Variants in IL16 observed in about 807,000 individuals in gnomAD.
IL16 encodes the protein interleukin 16, also known as pro-interleukin-16.
IL16 carries 67 observed loss-of-function variants against 110.1 expected under a neutral mutation model. That is an observed-to-expected ratio of 0.61 (90% confidence interval 0.50 to 0.75). The LOEUF (loss-of-function observed/expected upper bound fraction) is 0.75. IL16 is among the 30% of genes least tolerant of loss of function. The pLI, the probability that IL16 is intolerant of heterozygous loss-of-function variation, is 0.00. For synonymous variants in IL16, 689 were observed against 662.9 expected, an observed-to-expected ratio of 1.04 and a Z score of -0.61; for missense variants, 1,545 against 1,655.0, an observed-to-expected ratio of 0.93 and a Z score of 1.15.
intron 2 of IL16, among the ~76,000 whole-genome samples, chr15:81,248,723 T>C (rs112668224): frequency 0.017 from 1,505 of 88,826 alleles, 7 homozygotes; most frequent in Non-Finnish European, 0.028. Context: ...TTCTTTCTTT[T>C]TTTTTTTTTT....
chr15:81,273,258 A>G (rs1337152206), intron 6 of IL16, 54 bp downstream of exon 6: 8 of 1,311,954 alleles, frequency 6.1e-6, no homozygotes, highest in Non-Finnish European at 8.5e-6. Context: ...AGCAGAATCC[A>G]GAATTGCTGG....
At chr15:81,269,775 C>G (rs1174186865) in intron 5 of IL16, 127 bp downstream of exon 5, 1 of 658,124 alleles carries the variant, frequency 1.5e-6, no homozygotes, top group Non-Finnish European at 2.7e-6. Flanking sequence ...GAGACAAACA[C>G]AAGAGTGGCT....
intron 10 of IL16, chr15:81,290,020 C>A: frequency 2.6e-6 from 1 of 377,730 alleles, no homozygotes; most frequent in Non-Finnish European, 5.2e-6. Flanking sequence ...ATACTCTTAA[C>A]TATTACTCCA....
At chr15:81,235,697 G>A (rs1004925156) in intron 2 of IL16, among the ~76,000 whole-genome samples, 2 of 152,106 alleles carry the variant, frequency 1.3e-5, no homozygotes, top group Non-Finnish European at 2.9e-5. Flanking sequence ...CATGTTTTAC[G>A]ACACGGTGGA....
In IL16 at chr15:81,295,609, T is replaced by C. The variant is rs17875497; in HGVS notation, c.1903-1319T>C. On this transcript the variant is annotated intron_variant, in intron 12 of 18. Coordinates refer to ENST00000683961, the MANE Select transcript of IL16 (RefSeq NM_172217.5). Reference sequence around the variant, plus strand: ...CCAATATTTGGAGCTTCTAATGCCATGACTCAGCCTTACTTTTTTTAAGGG... The same window carrying C: ...CCAATATTTGGAGCTTCTAATGCCACGACTCAGCCTTACTTTTTTTAAGGG... 2,238 of 771,228 alleles carry C rather than the reference T, an allele frequency of 2.9e-3. 31 individuals carry two copies. In the African/African-American group the frequency reaches 0.032, roughly 11 times the overall value. 47.8% of individuals were successfully genotyped at this position (771,228 alleles called of 1,614,324 possible). A position where few individuals can be genotyped will look rare whatever the true frequency, so the allele number is the denominator to read the frequency against.
intron 1 of IL16, among the ~76,000 whole-genome samples, chr15:81,186,947 C>A (rs1031645982): frequency 3.3e-5 from 5 of 152,164 alleles, no homozygotes. Context: ...GAGTGAGCCA[C>A]CATGCCTGGC....
At chr15:81,207,521 A>ACC (rs1345872012) in intron 1 of IL16, among the ~76,000 whole-genome samples, 1 of 130,596 alleles carries the variant, frequency 7.7e-6, no homozygotes, top group African/African-American at 2.9e-5. Context: ...CCCACCTCCC[A>ACC]CCCACCCCCT....
At chr15:81,293,060 T>TG in intron 12 of IL16, 23 bp downstream of exon 12, 1 of 1,578,720 alleles carries the variant, frequency 6.3e-7, no homozygotes, top group Non-Finnish European at 8.6e-7. Context: ...GTCCACAGGT[T>TG]GAGTGTTTCC....
chr15:81,231,145 C>A (rs1896955875), intron 2 of IL16, among the ~76,000 whole-genome samples: 1 of 151,960 alleles, frequency 6.6e-6, no homozygotes, highest in Non-Finnish European at 1.5e-5. Context: ...GTTTTGAGAC[C>A]AGCCTGGGCA....
intron 4 of IL16, among the ~76,000 whole-genome samples, chr15:81,267,897 A>G (rs545917609): frequency 2.0e-5 from 3 of 152,314 alleles, no homozygotes; most frequent in Non-Finnish European, 4.4e-5. Flanking sequence ...ACAGATTTCA[A>G]TGCTCATCTC....
intron 2 of IL16, among the ~76,000 whole-genome samples, chr15:81,243,019 G>C (rs1897388131): frequency 6.7e-6 from 1 of 150,252 alleles, no homozygotes; most frequent in Non-Finnish European, 1.5e-5. Context: ...AACATCAATT[G>C]ATTCTTGAAT....
chr15:81,217,305 T>C (rs1896468132), intron 1 of IL16, among the ~76,000 whole-genome samples: 1 of 152,108 alleles, frequency 6.6e-6, no homozygotes, highest in South Asian at 2.1e-4. Context: ...CTAACAAACC[T>C]GAAAATCTGG....
In IL16 at chr15:81,313,263, T is replaced by C; in HGVS notation, c.*4465T>C. ...CAAGAAGTAACGATAGCATTACTCA[T>C]GGAATTGCTTCACTGCTTTCTGAAG... On this transcript the variant is annotated 3_prime_UTR_variant, in exon 19 of 19. Transcript: ENST00000683961. 6.4e-7 allele frequency: 1 copy of C among 1,568,280 alleles called. No individual in the cohort carries two copies. The highest frequency in any genetic ancestry group is 8.6e-7 in the Non-Finnish European group (1 of 1,156,916).
Position 81,187,747 on chromosome 15 carries a change from C to T in IL16, c.40+4851C>T, listed in dbSNP as rs560954885. On this transcript the variant is annotated intron_variant, in intron 1 of 18. Coordinates refer to the IL16 transcript ENST00000302987. ...GGCACCTGCTTTGTCCTCCTTTGACCGTGGGGGCAGAACCTTTGCCTGCAA... is the reference window on the plus strand; with the variant it reads ...GGCACCTGCTTTGTCCTCCTTTGACTGTGGGGGCAGAACCTTTGCCTGCAA... 3.9e-5 allele frequency among the ~76,000 whole-genome samples: 6 copies of T among 152,292 alleles called. No homozygotes were observed. In the South Asian group the frequency reaches 1.0e-3, roughly 26 times the overall value.
chr15:81,218,126 C>A (rs1455883740), intron 1 of IL16, among the ~76,000 whole-genome samples: 1 of 152,018 alleles, frequency 6.6e-6, no homozygotes, highest in African/African-American at 2.4e-5. Context: ...TTCAAAATAA[C>A]CTACTGAATA....
chr15:81,273,123 A>G lies in IL16; in HGVS notation c.709A>G (p.Ser237Gly). The change falls in exon 6 of 19, where the codon AGC (serine) becomes GGC (glycine). Residue 237 changes from serine (S) to glycine (G), a missense_variant. Physicochemically the swap from Ser to Gly is moderately conservative, Grantham distance 56. This residue lies in a region of IL16 where 1,185 missense variants were observed against 1,238.8 expected (regional missense o/e 0.96). Transcript: ENST00000683961. ...CTTCAGCATCGTTGGGGGAAAAGAC[A>G]GCATTTATGGCCCCATTGGGATTTA... ...LGFSIVGGKD[S>G]IYGPIGIYVK... 1 of 1,613,644 alleles carries G rather than the reference A, an allele frequency of 6.2e-7. No individual in the cohort carries two copies. The highest frequency in any genetic ancestry group is 8.5e-7 in the Non-Finnish European group (1 of 1,179,692).
Position 81,265,524 on chromosome 15 carries a change from G to C in IL16, c.422-135G>C. 4 of 900,104 alleles carry C rather than the reference G, an allele frequency of 4.4e-6. 1 individual carries two copies. The highest frequency in any genetic ancestry group is 6.7e-6 in the Non-Finnish European group (4 of 598,210). 55.8% of individuals were successfully genotyped at this position (900,104 alleles called of 1,614,324 possible). A position where few individuals can be genotyped will look rare whatever the true frequency, so the allele number is the denominator to read the frequency against. On this transcript the variant is annotated intron_variant, in intron 3 of 18. Coordinates refer to ENST00000683961, the MANE Select transcript of IL16 (RefSeq NM_172217.5). ...TTCCGCGGCCACCTCTCCCCACCAC[G>C]CACCTGGCACAGGGTGTTAAGTGGT...
chr15:81,191,033 T>C (rs2141921466), intron 1 of IL16, among the ~76,000 whole-genome samples: 1 of 152,310 alleles, frequency 6.6e-6, no homozygotes, highest in South Asian at 2.1e-4. Context: ...GAATCCAACA[T>C]GGGGGATTAG....
chr15:81,205,852 G>A (rs948483380), intron 1 of IL16, among the ~76,000 whole-genome samples: 1 of 152,178 alleles, frequency 6.6e-6, no homozygotes. Context: ...TTAAAAGAAA[G>A]TGAGGTGTCA....
Sources: gnomAD v4.1 joint callset for allele counts (sites outside exome capture counted in the v4.1 genomes callset) on GRCh38, gnomAD v4.1.1 for gene constraint, gnomAD v4.1.1 regional missense constraint, MANE v1.5 for transcripts, NCBI Gene and HGNC (gene_info 2026-07-23, HGNC 2026-07-21) for gene names.